The following SLC9B2 variants were observed in gnomAD, a reference collection of about 807,000 sequenced individuals.
SLC9B2 encodes the protein solute carrier family 9 member B2.
A neutral mutation model predicts 52.2 loss-of-function variants in SLC9B2; 39 were observed. The observed-to-expected ratio is 0.75, with a 90% CI of 0.58 to 0.98. SLC9B2 has a LOEUF of 0.98. Ranked by LOEUF, SLC9B2 falls within the 50% of genes least tolerant of loss-of-function variation. SLC9B2 has a pLI of 0.00. For synonymous variants in SLC9B2, 214 were observed against 227.0 expected (o/e 0.94, Z 0.51); for missense variants, 626 against 637.5 (o/e 0.98, Z 0.19).
chr4:103,076,656 G>GATAA lies in SLC9B2; in HGVS notation c.-516_-515insTTAT. ...GTCTTTCAGCTGCTTATCCTCCCTGGGCGGGTCCGCAGGCTTCTGGGGCCA... is the reference window on the plus strand; with the variant it reads ...GTCTTTCAGCTGCTTATCCTCCCTGGATAAGCGGGTCCGCAGGCTTCTGGGGCCA... On this transcript the variant is annotated 5_prime_UTR_variant, in exon 1 of 12. Coordinates refer to ENST00000394785, the MANE Select transcript of SLC9B2 (RefSeq NM_178833.7). The GATAA allele has an allele frequency of 6.6e-6, 1 of 152,380 alleles. No homozygotes were observed. The highest frequency in any genetic ancestry group is 2.4e-5 in the African/African-American group (1 of 41,586). The allele number at this position is 152,380 out of a possible 1,614,324, so 9.4% of individuals were successfully genotyped here.
At chr4:103,056,495 G>A (rs760194783) in intron 4 of SLC9B2, among the ~76,000 whole-genome samples, 3 of 152,124 alleles carry the variant, frequency 2.0e-5, no homozygotes, top group Non-Finnish European at 4.4e-5. Context: ...TGATCCGCCT[G>A]CCTTGGCCTC....
At chr4:103,063,814 A>G (rs1473560063) in intron 3 of SLC9B2, among the ~76,000 whole-genome samples, 2 of 152,224 alleles carry the variant, frequency 1.3e-5, no homozygotes, top group African/African-American at 2.4e-5. Flanking sequence ...GTTAATGTCC[A>G]GAATATAAAA....
Position 103,059,770 on chromosome 4 carries a change from A to G in SLC9B2, c.272-1799T>C, listed in dbSNP as rs371841323. Among the ~76,000 whole-genome samples, 5 of 152,356 alleles carry G rather than the reference A, an allele frequency of 3.3e-5. No homozygotes were observed. The East Asian group carries it at 5.8e-4, about 18-fold the overall frequency. On this transcript the variant is annotated intron_variant, in intron 3 of 11. Coordinates refer to ENST00000394785, the MANE Select transcript of SLC9B2 (RefSeq NM_178833.7). ...AACAAAATTCTATTTACCATTGCAT[A>G]TGAGCTAATTCATGACATAGAAACA...
At chr4:103,034,817 T>C (rs565089207) in intron 9 of SLC9B2, among the ~76,000 whole-genome samples, 1 of 152,212 alleles carries the variant, frequency 6.6e-6, no homozygotes, top group African/African-American at 2.4e-5. Flanking sequence ...AACCACAATA[T>C]TTGAGCTTGT....
chr4:103,030,923 A>T (rs1180759835), intron 10 of SLC9B2, among the ~76,000 whole-genome samples: 2 of 152,126 alleles, frequency 1.3e-5, no homozygotes, highest in Non-Finnish European at 2.9e-5. Flanking sequence ...GGAATCATAC[A>T]GGGTTAGTCT....
In SLC9B2 at chr4:103,023,934, G is replaced by A. The variant is rs934483506; in HGVS notation, c.*2436C>T. On this transcript the variant is annotated 3_prime_UTR_variant, in exon 12 of 12. Coordinates refer to ENST00000394785, the MANE Select transcript of SLC9B2 (RefSeq NM_178833.7). ...TTGGAGAAAATGCCACTGATGACCT[G>A]GGAAACAGCATGAAGTGTAACACTT... 6.6e-6 allele frequency among the ~76,000 whole-genome samples: 1 copy of A among 152,098 alleles called. No homozygotes were observed. The highest frequency in any genetic ancestry group is 1.5e-5 in the Non-Finnish European group (1 of 68,004).
rs1418589193 is a variant in SLC9B2 at position 103,036,674 on chromosome 4, CA to C, written c.1147-4867del. ...GCCTTTTTTTTTTTTCAAGGGGGAA[CA>C]CCACATTGGAAAAATACTAAAAGGT... On this transcript the variant is annotated intron_variant, in intron 9 of 11. Coordinates refer to ENST00000394785, the MANE Select transcript of SLC9B2 (RefSeq NM_178833.7). Among the ~76,000 whole-genome samples the C allele has an allele frequency of 2.1e-5, 3 of 145,678 alleles. No individual in the cohort carries two copies. In the South Asian group the frequency reaches 6.5e-4, roughly 32 times the overall value.
chr4:103,052,076 A>G (rs142463668), intron 4 of SLC9B2, among the ~76,000 whole-genome samples: 1 of 152,336 alleles, frequency 6.6e-6, no homozygotes, highest in Non-Finnish European at 1.5e-5. Context: ...CCTAGTAACA[A>G]AGAGGTGAGC....
At chr4:103,060,413 C>T (rs573832144) in intron 3 of SLC9B2, among the ~76,000 whole-genome samples, 1 of 151,630 alleles carries the variant, frequency 6.6e-6, no homozygotes, top group East Asian at 1.9e-4. Flanking sequence ...TTAAAAGTTA[C>T]TTGTTTTGTA....
At chr4:103,070,907 A>G (rs1578486035) in intron 1 of SLC9B2, among the ~76,000 whole-genome samples, 1 of 152,232 alleles carries the variant, frequency 6.6e-6, no homozygotes, top group Non-Finnish European at 1.5e-5. Flanking sequence ...CAGCAATCTA[A>G]GAGTCATTTA....
downstream of SLC9B2, chr4:103,019,596 T>A (rs1328803800): frequency 2.0e-6 from 2 of 985,346 alleles, no homozygotes; most frequent in African/African-American, 3.5e-5. Context: ...AAATGGGCCG[T>A]ACCTACAACT....
intron 3 of SLC9B2, among the ~76,000 whole-genome samples, chr4:103,060,691 G>A (rs1335976225): frequency 6.6e-6 from 1 of 151,742 alleles, no homozygotes; most frequent in Non-Finnish European, 1.5e-5. Flanking sequence ...CTCTCCCTTG[G>A]AACTTTGTCT....
At chr4:103,050,012 C>CAAAA (rs368672958) in intron 5 of SLC9B2, among the ~76,000 whole-genome samples, 1 of 80,162 alleles carries the variant, frequency 1.2e-5, no homozygotes, top group Non-Finnish European at 2.6e-5. Context: ...GACTCTGTCT[C>CAAAA]AAAAAAAAAA....
At position 103,067,601 on chromosome 4, in the gene SLC9B2, A is replaced by G. The variant is rs767344491; in HGVS notation, c.-42-9T>C. 5.8e-6 allele frequency: 8 copies of G among 1,381,472 alleles called. No homozygotes were observed. The highest frequency in any genetic ancestry group is 8.2e-6 in the Non-Finnish European group (8 of 972,966). The allele number at this position is 1,381,472 out of a possible 1,614,324, so 85.6% of individuals were successfully genotyped here. On this transcript the variant is annotated splice_polypyrimidine_tract_variant and intron_variant, in intron 1 of 11. Coordinates refer to ENST00000394785, the MANE Select transcript of SLC9B2 (RefSeq NM_178833.7). The stretch of plus-strand genomic sequence containing the variant: ...GGGAAGAGGAACGAGATCTGTTTTG[A>G]AAGAGTATAGATATAGAGCAGTAAT...
downstream of SLC9B2, chr4:103,019,621 C>T (rs1326828880): frequency 2.0e-6 from 2 of 985,374 alleles, no homozygotes; most frequent in Non-Finnish European, 2.4e-6. Context: ...TCGCAGCCCT[C>T]GCTGGCCCGG....
chr4:103,060,222 G>GT (rs1745502092), intron 3 of SLC9B2, among the ~76,000 whole-genome samples: 1 of 149,130 alleles, frequency 6.7e-6, no homozygotes, highest in African/African-American at 2.5e-5. Flanking sequence ...CCTAGTTTTC[G>GT]TATCTTTCAT....
chr4:103,044,621 G>T (rs1349034759), intron 8 of SLC9B2, among the ~76,000 whole-genome samples: 1 of 152,128 alleles, frequency 6.6e-6, no homozygotes, highest in Non-Finnish European at 1.5e-5. Context: ...TAAAAAACTT[G>T]CATATCCTAT....
chr4:103,067,648 A>G, intron 1 of SLC9B2, 56 bp from the exon 2 acceptor site: 1 of 982,250 alleles, frequency 1.0e-6, no homozygotes, highest in Non-Finnish European at 1.6e-6. Flanking sequence ...GTGATTTCAA[A>G]GACTTTGGAT....
chr4:103,076,415 G>C lies in SLC9B2; in HGVS notation c.-274C>G, dbSNP rs1025433692. 1.3e-5 allele frequency: 2 copies of C among 152,416 alleles called. No homozygotes were observed. The highest frequency in any genetic ancestry group is 1.9e-4 in the East Asian group (1 of 5,176). The allele number at this position is 152,416 out of a possible 1,614,324, so 9.4% of individuals were successfully genotyped here. On this transcript the variant is annotated 5_prime_UTR_variant, in exon 1 of 12. Transcript: ENST00000394785. The stretch of plus-strand genomic sequence containing the variant: ...AACCCGCTGGGCGACACCGCGCAGG[G>C]AGGTCCGACCCGTCGGCGCCGGTAC...
Sources: gnomAD v4.1 joint callset for allele counts (sites outside exome capture counted in the v4.1 genomes callset) on GRCh38, gnomAD v4.1.1 for gene constraint, MANE v1.5 for transcripts, NCBI Gene and HGNC (gene_info 2026-07-23, HGNC 2026-07-21) for gene names.